CCDC34: variants seen among roughly 807,000 people sequenced by gnomAD.
CCDC34 encodes the protein coiled-coil domain containing 34.
In CCDC34, 40 loss-of-function variants were observed where a neutral mutation model predicts 44.1. The ratio of observed to expected loss-of-function variants is 0.91; its 90% confidence interval spans 0.70 to 1.18. The LOEUF (loss-of-function observed/expected upper bound fraction) is 1.18, where lower values mean the gene tolerates loss of function less well. Among genes scored for constraint, CCDC34 ranks in the 50% most tolerant of loss-of-function variants. The pLI, the probability that CCDC34 is intolerant of heterozygous loss-of-function variation, is 0.00. For missense variants in CCDC34, 466 were observed against 452.3 expected (o/e 1.03, Z -0.28); for synonymous variants, 159 against 158.2 (o/e 1.01, Z -0.04).
At chr11:27,357,928 C>A (rs1334356672) in intron 1 of CCDC34, among the ~76,000 whole-genome samples, 2 of 152,160 alleles carry the variant, frequency 1.3e-5, no homozygotes, top group African/African-American at 4.8e-5. Flanking sequence ...CTTCCCTTTC[C>A]CGCCCTTAAG....
intron 2 of CCDC34, among the ~76,000 whole-genome samples, chr11:27,356,254 G>A (rs1294336044): frequency 6.6e-6 from 1 of 151,700 alleles, no homozygotes; most frequent in African/African-American, 2.4e-5. Flanking sequence ...AACCTCAGGT[G>A]ATCCACCTGC....
intron 1 of CCDC34, 43 bp from the exon 2 acceptor site, chr11:27,357,584 T>C (rs1292486354): frequency 6.3e-7 from 1 of 1,584,886 alleles, no homozygotes; most frequent in South Asian, 1.2e-5. Context: ...AAGAACCTCT[T>C]TTGCTTCCTA....
chr11:27,345,491 T>A (rs1862420014), intron 3 of CCDC34, among the ~76,000 whole-genome samples: 1 of 152,176 alleles, frequency 6.6e-6, no homozygotes, highest in Non-Finnish European at 1.5e-5. Flanking sequence ...TGTGTCCATG[T>A]GTTCTCATTG....
At chr11:27,345,271 C>G (rs1412790209) in intron 3 of CCDC34, among the ~76,000 whole-genome samples, 3 of 151,958 alleles carry the variant, frequency 2.0e-5, no homozygotes, top group Non-Finnish European at 2.9e-5. Flanking sequence ...TTGTGGTGGG[C>G]AAACATTTTT....
chr11:27,343,333 C>T (rs988514961), intron 3 of CCDC34, among the ~76,000 whole-genome samples: 5 of 149,386 alleles, frequency 3.3e-5, no homozygotes, highest in East Asian at 2.0e-4. Context: ...ACCCAGGAGG[C>T]GGAGGTTGCA....
intron 3 of CCDC34, among the ~76,000 whole-genome samples, chr11:27,346,378 G>T (rs903685858): frequency 7.1e-6 from 1 of 140,276 alleles, no homozygotes; most frequent in Admixed American, 7.2e-5. Context: ...CTGGTCAACA[G>T]AGTGAGACTC....
chr11:27,344,102 ATTACAG>A (rs1565057976), intron 3 of CCDC34, among the ~76,000 whole-genome samples: 2 of 152,182 alleles, frequency 1.3e-5, no homozygotes, highest in Non-Finnish European at 2.9e-5. Flanking sequence ...AGTTGATTCC[ATTACAG>A]TTAAAGATAC....
Position 27,363,176 on chromosome 11 carries a change from A to G in CCDC34, c.19T>C (p.Trp7Arg). The change falls in exon 1 of 6, where the codon TGG becomes CGG. Residue 7 changes from tryptophan to arginine, a missense_variant. By Grantham distance (101) the Trp-to-Arg change is moderately radical. Coordinates refer to ENST00000328697, the MANE Select transcript of CCDC34 (RefSeq NM_030771.2). ...TAGGAAGAGGGAAAAGTAGGCCCCC[A>G]GCGCCCCGCCGCCCACATCTGGCCC... MWAAGR[W>R]GPTFPSSYAG... The G allele has an allele frequency of 5.4e-6, 8 of 1,488,738 alleles. No homozygotes were observed. The highest frequency in any genetic ancestry group is 2.3e-5 in the East Asian group (1 of 42,708). The allele number at this position is 1,488,738 out of a possible 1,614,324, so 92.2% of individuals were successfully genotyped here.
At chr11:27,350,534 GA>G in intron 2 of CCDC34, 95 bp from the exon 3 acceptor site, 1 of 1,210,086 alleles carries the variant, frequency 8.3e-7, no homozygotes, top group East Asian at 2.6e-5. Flanking sequence ...AATTAAACAA[GA>G]ATATAGTTTC....
At chr11:27,348,199 T>C (rs1442231565) in intron 3 of CCDC34, among the ~76,000 whole-genome samples, 1 of 152,208 alleles carries the variant, frequency 6.6e-6, no homozygotes, top group African/African-American at 2.4e-5. Flanking sequence ...TCTGTTTTGC[T>C]TTCTCCAATA....
chr11:27,341,724 A>T (rs78294415), intron 3 of CCDC34, among the ~76,000 whole-genome samples, 174 bp from the exon 4 acceptor site: 87 of 152,320 alleles, frequency 5.7e-4, no homozygotes, highest in African/African-American at 1.9e-3. Context: ...TGCAATTAAC[A>T]GTACAATGTC....
At chr11:27,357,280 G>T in intron 2 of CCDC34, 123 bp downstream of exon 2, 1 of 873,532 alleles carries the variant, frequency 1.1e-6, no homozygotes, top group African/African-American at 1.7e-5. Flanking sequence ...ATTTGATATA[G>T]TAAACTAACA....
chr11:27,341,108 T>G (rs1590321629), intron 4 of CCDC34, among the ~76,000 whole-genome samples: 1 of 152,316 alleles, frequency 6.6e-6, no homozygotes, highest in East Asian at 1.9e-4. Context: ...AAAATGGCAG[T>G]AAGACTTCCC....
rs770510111 is a variant in CCDC34 at position 27,341,535 on chromosome 11, CTCTT to C, written c.618_621del (p.Arg207AsnfsTer33). ...TCCATTTCTTTATTAATTTTTTGTT[CTCTT>C]TCTTTTCTTTTCTTAAATAAAAATA... On this transcript the variant is annotated frameshift_variant, in exon 4 of 6. Coordinates refer to ENST00000328697, the MANE Select transcript of CCDC34 (RefSeq NM_030771.2). LOFTEE classifies it high-confidence loss of function. 1.2e-5 allele frequency: 15 copies of C among 1,294,604 alleles called. No individual in the cohort carries two copies. Among genetic ancestry groups the C allele is most frequent in the Non-Finnish European group, 1.4e-5 (14 of 966,750 alleles). The allele number at this position is 1,294,604 out of a possible 1,614,324, so 80.2% of individuals were successfully genotyped here.
intron 2 of CCDC34, among the ~76,000 whole-genome samples, chr11:27,354,046 T>C (rs1429256155): frequency 2.0e-5 from 3 of 152,054 alleles, no homozygotes; most frequent in Non-Finnish European, 4.4e-5. Flanking sequence ...AAGGAAAACA[T>C]GAGATAAAAA....
chr11:27,350,687 T>A (rs1862494996), intron 2 of CCDC34, among the ~76,000 whole-genome samples: 1 of 152,228 alleles, frequency 6.6e-6, no homozygotes, highest in Non-Finnish European at 1.5e-5. Context: ...TTTCCTAGAC[T>A]AAACTTCAGC....
intron 1 of CCDC34, among the ~76,000 whole-genome samples, chr11:27,360,615 C>T (rs1862648968): frequency 6.6e-6 from 1 of 152,190 alleles, no homozygotes; most frequent in African/African-American, 2.4e-5. Context: ...CATCCTGTCA[C>T]CCCCAAGCTG....
At chr11:27,355,497 A>G (rs931651104) in intron 2 of CCDC34, among the ~76,000 whole-genome samples, 51 of 152,224 alleles carry the variant, frequency 3.4e-4, no homozygotes, top group African/African-American at 1.2e-3. Flanking sequence ...CTGAAAATAA[A>G]TGAAAAAGCT....
At chr11:27,354,481 C>T (rs1017823214) in intron 2 of CCDC34, among the ~76,000 whole-genome samples, 2 of 152,124 alleles carry the variant, frequency 1.3e-5, no homozygotes, top group African/African-American at 4.8e-5. Flanking sequence ...ATATTATCCT[C>T]CCCCTTTCAC....
Sources: gnomAD v4.1 joint callset for allele counts (sites outside exome capture counted in the v4.1 genomes callset) on GRCh38, gnomAD v4.1.1 for gene constraint, MANE v1.5 for transcripts, NCBI Gene and HGNC (gene_info 2026-07-23, HGNC 2026-07-21) for gene names.